The following KLF8 variants were observed in gnomAD, a reference collection of about 807,000 sequenced individuals.
KLF8 encodes Krueppel-like factor 8.
Under a neutral mutation model 18.2 loss-of-function variants are expected in KLF8, and 10 were observed. That is an observed-to-expected ratio of 0.55 (90% CI 0.34 to 0.93). The LOEUF (loss-of-function observed/expected upper bound fraction) is 0.93, where lower values mean the gene tolerates loss of function less well. Among genes scored for constraint, KLF8 ranks in the 40% least tolerant of loss-of-function variants. The pLI is 0.02. For synonymous variants in KLF8, 109 were observed against 97.3 expected (o/e 1.12, Z -0.71); for missense variants, 264 against 277.9 (o/e 0.95, Z 0.36).
chrX:56,243,271 G>T, intron 1 of KLF8: 1 of 422,578 alleles, frequency 2.4e-6, no homozygotes, highest in South Asian at 2.7e-5. Context: ...GCCGCTGGAA[G>T]GTGAGGGGTG....
chrX:55,995,286 A>G, the KLF8 span, among the ~76,000 whole-genome samples: 3 of 112,414 alleles, frequency 2.7e-5, no homozygotes, highest in African/African-American at 9.7e-5. Context: ...GTGTCATTGC[A>G]TGTTAGACGA....
At chrX:55,961,585 A>G in the KLF8 span, 12 of 499,234 alleles carry the variant, frequency 2.4e-5, no homozygotes, top group Middle Eastern at 5.9e-4. Context: ...CCAGTTATTC[A>G]CTGTGCATAC....
the KLF8 span, chrX:56,014,851 G>A: frequency 8.5e-5 from 7 of 82,771 alleles, no homozygotes; most frequent in Non-Finnish European, 1.5e-4. Context: ...GCAGAGATGT[G>A]GTTGGAGCTG....
At chrX:55,925,416 G>GCA in the KLF8 span, among the ~76,000 whole-genome samples, 1 of 108,943 alleles carries the variant, frequency 9.2e-6, no homozygotes, top group Non-Finnish European at 1.9e-5. Flanking sequence ...ACACACACAC[G>GCA]CACACACACA....
the KLF8 span, among the ~76,000 whole-genome samples, chrX:56,049,046 CT>C: frequency 9.0e-6 from 1 of 111,643 alleles, no homozygotes; most frequent in Non-Finnish European, 1.9e-5. Flanking sequence ...TGGGAGTTCA[CT>C]CATGATTTGG....
chrX:56,162,197 A>G, the KLF8 span, among the ~76,000 whole-genome samples: 1 of 111,964 alleles, frequency 8.9e-6, no homozygotes, highest in South Asian at 3.7e-4. Flanking sequence ...GGTGCCTCCC[A>G]GTTAGGATAC....
chrX:56,076,056 G>T, the KLF8 span, among the ~76,000 whole-genome samples: 1 of 109,575 alleles, frequency 9.1e-6, no homozygotes, highest in South Asian at 3.9e-4. Context: ...AGAATATGCA[G>T]TGTTTGGTTT....
intron 5 of KLF8, among the ~76,000 whole-genome samples, chrX:56,273,790 T>C (rs5960156): frequency 0.18 from 20,526 of 111,405 alleles, 3,807 homozygotes; most frequent in African/African-American, 0.58. Context: ...CTATGTTACA[T>C]TTGCTGTGTG....
At chrX:56,275,552 A>G (rs1167878029) in intron 5 of KLF8, among the ~76,000 whole-genome samples, 1 of 111,388 alleles carries the variant, frequency 9.0e-6, no homozygotes, top group South Asian at 3.8e-4. Flanking sequence ...TAAAGGTGAA[A>G]TTGGGCCTCC....
At chrX:55,983,333 G>C in the KLF8 span, among the ~76,000 whole-genome samples, 4 of 110,969 alleles carry the variant, frequency 3.6e-5, no homozygotes, top group South Asian at 1.1e-3. Context: ...AAATAAAGCT[G>C]ATTATAAAAG....
chrX:56,045,755 T>A, the KLF8 span, among the ~76,000 whole-genome samples: 2 of 111,723 alleles, frequency 1.8e-5, no homozygotes, highest in Non-Finnish European at 3.8e-5. Flanking sequence ...ACATTAAATT[T>A]GTGTCCTGAA....
At chrX:55,995,066 T>C in the KLF8 span, among the ~76,000 whole-genome samples, 197 of 112,226 alleles carry the variant, frequency 1.8e-3, 3 homozygotes, top group East Asian at 0.036. Context: ...CAAGAACTTG[T>C]TTTGTGCATC....
the KLF8 span, among the ~76,000 whole-genome samples, chrX:55,971,361 G>A: frequency 9.0e-6 from 1 of 111,218 alleles, no homozygotes; most frequent in Admixed American, 9.6e-5. Context: ...ATATTTATAA[G>A]CAGACTCAAA....
chrX:56,244,127 TACTA>T (rs1324263752), intron 1 of KLF8, among the ~76,000 whole-genome samples: 1 of 112,479 alleles, frequency 8.9e-6, no homozygotes, highest in Non-Finnish European at 1.9e-5. Context: ...CTCTGCTGTT[TACTA>T]ACTTGGTGAT....
At chrX:56,117,028 C>CTG in the KLF8 span, among the ~76,000 whole-genome samples, 1 of 110,588 alleles carries the variant, frequency 9.0e-6, no homozygotes, top group Non-Finnish European at 1.9e-5. Context: ...GTAATCCCAG[C>CTG]TGTTTGGGAG....
chrX:55,949,930 G>A, the KLF8 span, among the ~76,000 whole-genome samples: 1 of 111,649 alleles, frequency 9.0e-6, no homozygotes, highest in Non-Finnish European at 1.9e-5. Context: ...CAGGAAGTAA[G>A]CAATCAATGT....
At chrX:56,079,872 T>G in the KLF8 span, among the ~76,000 whole-genome samples, 1 of 111,822 alleles carries the variant, frequency 8.9e-6, no homozygotes, top group Non-Finnish European at 1.9e-5. Flanking sequence ...TTAGCTGTTC[T>G]TGTTGAATTG....
chrX:55,953,497 T>C, the KLF8 span, among the ~76,000 whole-genome samples: 1 of 110,542 alleles, frequency 9.0e-6, no homozygotes, highest in Non-Finnish European at 1.9e-5. Context: ...AAAATAAATA[T>C]TTGAATACAA....
At chrX:55,960,839 G>A in the KLF8 span, among the ~76,000 whole-genome samples, 1 of 111,521 alleles carries the variant, frequency 9.0e-6, no homozygotes, top group Non-Finnish European at 1.9e-5. Context: ...TCACATATCA[G>A]ACTAACCTTG....
Sources: gnomAD v4.1 joint callset for allele counts (sites outside exome capture counted in the v4.1 genomes callset) on GRCh38, gnomAD v4.1.1 for gene constraint, MANE v1.5 for transcripts, NCBI Gene and HGNC (gene_info 2026-07-23, HGNC 2026-07-21) for gene names.